EXOC6B: variants seen among roughly 807,000 people sequenced by gnomAD.
EXOC6B encodes SEC15 homolog B.
Under a neutral mutation model 113.5 loss-of-function variants are expected in EXOC6B, and 54 were observed. The observed-to-expected ratio is 0.48, with a 90% confidence interval of 0.38 to 0.60. EXOC6B has a LOEUF of 0.60. Ranked by LOEUF, EXOC6B falls within the 20% of genes least tolerant of loss-of-function variation. The pLI is 0.00. For missense variants in EXOC6B, 797 were observed against 977.5 expected, an observed-to-expected ratio of 0.82 and a Z score of 2.46; for synonymous variants, 357 against 339.0, an observed-to-expected ratio of 1.05 and a Z score of -0.58.
rs560767323 is a variant in EXOC6B at position 72,237,634 on chromosome 2, C to T, written c.2197-53447G>A. 1.5e-3 allele frequency among the ~76,000 whole-genome samples: 225 copies of T among 152,312 alleles called. 3 individuals carry two copies. Among genetic ancestry groups the T allele is most frequent in the Non-Finnish European group, 1.2e-3 (85 of 68,028 alleles). ...ACAGAGTCAACCCTATCCTTACCCT[C>T]ACCCCCTGCCTGACCTCTGAATCTC... On this transcript the variant is annotated intron_variant, in intron 20 of 21. Transcript: ENST00000272427.
At chr2:72,451,532 T>C (rs1412663373) in intron 18 of EXOC6B, among the ~76,000 whole-genome samples, 2 of 152,206 alleles carry the variant, frequency 1.3e-5, no homozygotes, top group Non-Finnish European at 2.9e-5. Flanking sequence ...GGCAATAAGA[T>C]AATCCTACAT....
rs1366580624 is a variant in EXOC6B at position 72,825,881 on chromosome 2, C to T, written c.30G>A (p.Glu10=). ...CGTGCTCTGCCGCTGTCTCCAGGCT[C>T]TCCGCCTCCGCCATCTTACCCCGCT... MERGKMAEA[E]SLETAAEHER... is the part of the protein sequence containing the mutation. Residue 10 remains glutamate, a synonymous_variant, in exon 1 of 22, where the codon GAG becomes GAA. Transcript: ENST00000272427. The surrounding 1 kb of genome is among the most constrained non-coding windows in gnomAD (Gnocchi z 4.4). 4.3e-6 allele frequency: 7 copies of T among 1,613,432 alleles called. No individual in the cohort carries two copies. In the South Asian group the frequency reaches 6.6e-5, roughly 15 times the overall value.
chr2:72,573,088 G>A (rs1459156688), intron 7 of EXOC6B, among the ~76,000 whole-genome samples: 1 of 152,160 alleles, frequency 6.6e-6, no homozygotes, highest in Non-Finnish European at 1.5e-5. Context: ...ACAAGGCAAA[G>A]AAGGAGCATG....
chr2:72,496,062 A>C (rs1015809351), intron 14 of EXOC6B, among the ~76,000 whole-genome samples: 1 of 152,190 alleles, frequency 6.6e-6, no homozygotes. Context: ...AACTCAATAC[A>C]TTGTCAAAAT....
In EXOC6B at chr2:72,379,854, G is replaced by C; in HGVS notation, c.1997C>G (p.Thr666Arg). 1 of 1,610,072 alleles carries C rather than the reference G, an allele frequency of 6.2e-7. No homozygotes were observed. The highest frequency in any genetic ancestry group is 1.3e-5 in the African/African-American group (1 of 74,988). ...FTHLPGKVAQ[T>R]ACMSACKHLA... ...ATGCTTGCAAGCTGACATACACGCT[G>C]TCTGGGCCACCTTTCCCTGAAACAC... The change falls in exon 19 of 22, where the codon ACA becomes AGA. Residue 666 changes from threonine (T) to arginine (R), a missense_variant. Transcript: ENST00000272427.
intron 7 of EXOC6B, among the ~76,000 whole-genome samples, chr2:72,565,965 G>A (rs1439782389): frequency 1.3e-5 from 2 of 151,546 alleles, no homozygotes; most frequent in South Asian, 2.1e-4. Flanking sequence ...CTACCCTGAG[G>A]ATATAGCTCC....
chr2:72,580,591 G>C (rs1038401384), intron 6 of EXOC6B, among the ~76,000 whole-genome samples: 3 of 152,072 alleles, frequency 2.0e-5, no homozygotes, highest in African/African-American at 4.8e-5. Context: ...GGACACCATT[G>C]GTGCTCCACT....
At chr2:72,765,140 T>A (rs774696691) in intron 1 of EXOC6B, among the ~76,000 whole-genome samples, 3 of 151,812 alleles carry the variant, frequency 2.0e-5, no homozygotes, top group Non-Finnish European at 2.9e-5. Context: ...GAAAAATTTT[T>A]AAAAAATTAG....
intron 20 of EXOC6B, among the ~76,000 whole-genome samples, chr2:72,264,758 T>C (rs1429302879): frequency 6.6e-6 from 1 of 151,994 alleles, no homozygotes; most frequent in African/African-American, 2.4e-5. Flanking sequence ...CGAGATCTGA[T>C]GGTTTTATAA....
intron 11 of EXOC6B, among the ~76,000 whole-genome samples, chr2:72,506,688 T>G (rs1228712204): frequency 4.6e-5 from 7 of 152,142 alleles, no homozygotes; most frequent in African/African-American, 1.7e-4. Flanking sequence ...AATATTACTT[T>G]GTAAATTTTT....
intron 20 of EXOC6B, among the ~76,000 whole-genome samples, chr2:72,320,812 A>G (rs1687805339): frequency 6.6e-6 from 1 of 152,198 alleles, no homozygotes; most frequent in South Asian, 2.1e-4. Context: ...GAACATATAA[A>G]AAACTTTCAC....
chr2:72,524,150 T>TAAAAA (rs372964134), intron 8 of EXOC6B, among the ~76,000 whole-genome samples: 10 of 116,750 alleles, frequency 8.6e-5, no homozygotes, highest in Admixed American at 1.9e-4. Context: ...ATACAGAGTT[T>TAAAAA]AAAAAAAAAA....
At chr2:72,490,527 G>T (rs548504872) in intron 16 of EXOC6B, among the ~76,000 whole-genome samples, 1 of 151,940 alleles carries the variant, frequency 6.6e-6, no homozygotes, top group Non-Finnish European at 1.5e-5. Context: ...AGTGTATCTC[G>T]TTAGTAATAA....
At chr2:72,393,301 G>A (rs1195057305) in intron 18 of EXOC6B, among the ~76,000 whole-genome samples, 1 of 151,884 alleles carries the variant, frequency 6.6e-6, no homozygotes. Flanking sequence ...TCACCATATT[G>A]GCCAGGCTGG....
intron 20 of EXOC6B, among the ~76,000 whole-genome samples, chr2:72,251,046 T>G (rs2104545572): frequency 7.7e-6 from 1 of 129,046 alleles, no homozygotes; most frequent in Middle Eastern, 3.8e-3. Flanking sequence ...CAGGCTGGTC[T>G]TGAACTCGGG....
chr2:72,656,942 C>A (rs188445084), intron 6 of EXOC6B, among the ~76,000 whole-genome samples: 121 of 152,232 alleles, frequency 7.9e-4, no homozygotes, highest in African/African-American at 2.7e-3. Flanking sequence ...ACCTCCACCC[C>A]CTAGGTTCAA....
At chr2:72,375,681 T>C (rs1185032215) in intron 19 of EXOC6B, among the ~76,000 whole-genome samples, 1 of 152,146 alleles carries the variant, frequency 6.6e-6, no homozygotes, top group Non-Finnish European at 1.5e-5. Context: ...CAATAATTTC[T>C]AATACTAAAA....
chr2:72,398,457 G>T (rs947008232), intron 18 of EXOC6B, among the ~76,000 whole-genome samples: 1 of 152,048 alleles, frequency 6.6e-6, no homozygotes, highest in African/African-American at 2.4e-5. Flanking sequence ...AGCACTTTCA[G>T]AGGCCAAGGC....
At chr2:72,314,975 T>C (rs2104805439) in intron 20 of EXOC6B, among the ~76,000 whole-genome samples, 1 of 152,206 alleles carries the variant, frequency 6.6e-6, no homozygotes, top group African/African-American at 2.4e-5. Context: ...GAACAAGATA[T>C]GTAAGATGTA....
Sources: allele counts gnomAD v4.1 joint callset (sites outside exome capture counted in the v4.1 genomes callset), GRCh38; gene constraint gnomAD v4.1.1; non-coding constraint Gnocchi (gnomAD v3.1); transcripts MANE v1.5; gene names NCBI Gene and HGNC (gene_info 2026-07-23, HGNC 2026-07-21).